The following TMEM232 variants were observed in gnomAD, a reference collection of about 807,000 sequenced individuals.
The protein encoded by TMEM232 is transmembrane protein 232.
TMEM232 carries 80 observed loss-of-function variants against 78.8 expected under a neutral mutation model. The observed-to-expected ratio is 1.01, with a 90% CI of 0.85 to 1.22. TMEM232 has a LOEUF of 1.22. Ranked by LOEUF, TMEM232 falls within the 50% of genes most tolerant of loss-of-function variation. The pLI is 0.00. For missense variants in TMEM232, 881 were observed against 742.2 expected, an observed-to-expected ratio of 1.19 and a Z score of -2.17; for synonymous variants, 297 against 254.3, an observed-to-expected ratio of 1.17 and a Z score of -1.60.
At chr5:110,405,513 TTAAG>T (rs1755756087) in intron 2 of TMEM232, among the ~76,000 whole-genome samples, 1 of 151,692 alleles carries the variant, frequency 6.6e-6, no homozygotes, top group Non-Finnish European at 1.5e-5. Flanking sequence ...GAAAAATATA[TTAAG>T]TAATTTATAG....
chr5:110,553,427 G>T (rs765309215), intron 11 of TMEM232, among the ~76,000 whole-genome samples: 1 of 151,950 alleles, frequency 6.6e-6, no homozygotes, highest in Non-Finnish European at 1.5e-5. Context: ...AATTCTTGTT[G>T]TAGATATCTT....
chr5:110,570,449 G>A (rs1041564390), intron 10 of TMEM232, among the ~76,000 whole-genome samples: 2 of 151,886 alleles, frequency 1.3e-5, no homozygotes, highest in Non-Finnish European at 2.9e-5. Flanking sequence ...TAATTTGTAA[G>A]AGAAATTAGA....
intron 12 of TMEM232, among the ~76,000 whole-genome samples, chr5:110,429,194 T>C (rs1757561401): frequency 6.6e-6 from 1 of 151,810 alleles, no homozygotes; most frequent in Non-Finnish European, 1.5e-5. Context: ...AAAATATGTT[T>C]CTTTCGAGTA....
chr5:110,442,007 A>T (rs895148897), intron 12 of TMEM232, among the ~76,000 whole-genome samples: 7 of 152,230 alleles, frequency 4.6e-5, no homozygotes, highest in Admixed American at 4.6e-4. Context: ...TTGGAGCTCC[A>T]TGTATGTGGC....
At chr5:110,652,689 A>T (rs1441222306) in intron 2 of TMEM232, among the ~76,000 whole-genome samples, 2 of 152,186 alleles carry the variant, frequency 1.3e-5, no homozygotes, top group Non-Finnish European at 2.9e-5. Flanking sequence ...GCCCATCACA[A>T]TAGACATTAT....
Position 110,483,898 on chromosome 5 carries a change from T to C in TMEM232, c.1703+44690A>G, listed in dbSNP as rs1347809484. Among the ~76,000 whole-genome samples the C allele has an allele frequency of 1.3e-5, 2 of 152,266 alleles. 1 individual carries two copies. Among genetic ancestry groups the C allele is most frequent in the South Asian group, 4.1e-4 (2 of 4,828 alleles). On this transcript the variant is annotated intron_variant, in intron 12 of 13. Transcript: ENST00000455884. Reference sequence around the variant, plus strand: ...AGCACTATTCACAATAGCAAAGGCATGGAATTAACCTAAATGTTCATTAAC... The same window carrying C: ...AGCACTATTCACAATAGCAAAGGCACGGAATTAACCTAAATGTTCATTAAC...
intron 1 of TMEM232, among the ~76,000 whole-genome samples, chr5:110,674,236 C>T (rs1053845348): frequency 6.6e-6 from 1 of 151,770 alleles, no homozygotes; most frequent in Non-Finnish European, 1.5e-5. Flanking sequence ...CTTTCTTGGT[C>T]AAGAAAAAAC....
intron 12 of TMEM232, 54 bp downstream of exon 12, chr5:110,528,534 T>C: frequency 1.4e-6 from 2 of 1,402,596 alleles, no homozygotes; most frequent in Non-Finnish European, 1.9e-6. Context: ...ATAATTTCTG[T>C]GATTTTGAAT....
At position 110,389,384 on chromosome 5, in the gene TMEM232, A is replaced by G. The variant is rs1470586779; in HGVS notation, n.615+1032T>C. ...CTAGGAGGCTGAGATATGAACAGAT[A>G]GATTGGGGTTGCATACTTTTCCTAA... On this transcript the variant is annotated intron_variant and non_coding_transcript_variant, in intron 4 of 8. Coordinates refer to the TMEM232 transcript ENST00000507188. Among the ~76,000 whole-genome samples the G allele has an allele frequency of 2.6e-5, 4 of 152,324 alleles. No homozygotes were observed. The East Asian group carries it at 7.7e-4, about 29-fold the overall frequency.
intron 8 of TMEM232, 125 bp downstream of exon 8, chr5:110,618,304 C>T: frequency 8.2e-7 from 1 of 1,219,038 alleles, no homozygotes; most frequent in Non-Finnish European, 1.1e-6. Flanking sequence ...GCCTTTGGAA[C>T]TGAGATTATA....
intron 12 of TMEM232, among the ~76,000 whole-genome samples, chr5:110,449,391 G>T (rs919165129): frequency 6.6e-6 from 1 of 151,990 alleles, no homozygotes; most frequent in Non-Finnish European, 1.5e-5. Context: ...ATGAATGAAA[G>T]AAAACCATCT....
chr5:110,495,534 C>T (rs1310087219), intron 12 of TMEM232, among the ~76,000 whole-genome samples: 6 of 151,858 alleles, frequency 4.0e-5, no homozygotes, highest in Non-Finnish European at 1.5e-5. Context: ...ATATTTACCC[C>T]AAATGTCCTA....
intron 1 of TMEM232, among the ~76,000 whole-genome samples, chr5:110,680,719 A>C (rs975008695): frequency 1.3e-4 from 20 of 152,230 alleles, no homozygotes; most frequent in Admixed American, 1.1e-3. Flanking sequence ...AAAAAAATAG[A>C]AAATAATTAG....
rs371764831 is a variant in TMEM232 at position 110,707,278 on chromosome 5, G to A, written c.-13+19349C>T. Among the ~76,000 whole-genome samples, 16 of 152,200 alleles carry A rather than the reference G, an allele frequency of 1.1e-4. 1 individual carries two copies. The highest frequency in any genetic ancestry group is 5.8e-4 in the East Asian group (3 of 5,174). On this transcript the variant is annotated intron_variant, in intron 1 of 13. Coordinates refer to ENST00000455884, the MANE Select transcript of TMEM232 (RefSeq NM_001039763.4). ...GTCAGAGAGACAGTCATGAATCACC[G>A]AAACCACACCTACCCCATTCCCCAG...
rs560150147 is a variant in TMEM232 at position 110,605,307 on chromosome 5, T to C, written c.1078A>G (p.Ile360Val). The change falls in exon 10 of 14, where the codon ATA becomes GTA. Residue 360 changes from isoleucine to valine, a missense_variant. By Grantham distance (29) the Ile-to-Val change is conservative. Coordinates refer to ENST00000455884, the MANE Select transcript of TMEM232 (RefSeq NM_001039763.4). ...ATTTCTGCAAGAATTACTGTATATA[T>C]GTAGACTACATTCCAGGCCCAGGAA... ...DFSWAWNVVYIYTVILAEICL... is the reference protein window; with the variant it reads ...DFSWAWNVVYVYTVILAEICL... 1.3e-6 allele frequency: 2 copies of C among 1,550,778 alleles called. No individual in the cohort carries two copies. Among genetic ancestry groups the C allele is most frequent in the South Asian group, 2.4e-5 (2 of 83,736 alleles).
intron 2 of TMEM232, among the ~76,000 whole-genome samples, chr5:110,401,538 C>G (rs573796780): frequency 6.6e-6 from 1 of 152,052 alleles, no homozygotes; most frequent in Non-Finnish European, 1.5e-5. Flanking sequence ...ATTAGGCCAC[C>G]CCTGGGAATT....
At chr5:110,693,053 C>T (rs1015380122) in intron 1 of TMEM232, among the ~76,000 whole-genome samples, 2 of 152,172 alleles carry the variant, frequency 1.3e-5, no homozygotes, top group African/African-American at 4.8e-5. Flanking sequence ...GAAGCACCCC[C>T]CAGTAGGGGC....
At chr5:110,504,635 G>A (rs936177914) in intron 12 of TMEM232, among the ~76,000 whole-genome samples, 4 of 152,106 alleles carry the variant, frequency 2.6e-5, no homozygotes, top group African/African-American at 7.2e-5. Flanking sequence ...GTTTCAATTC[G>A]AGTCTGAAGA....
chr5:110,535,322 T>G (rs1772179951), intron 11 of TMEM232, among the ~76,000 whole-genome samples: 1 of 152,096 alleles, frequency 6.6e-6, no homozygotes, highest in South Asian at 2.1e-4. Flanking sequence ...ACTGAGCACC[T>G]TGTGACCCTC....
Sources: gnomAD v4.1 joint callset for allele counts (sites outside exome capture counted in the v4.1 genomes callset) on GRCh38, gnomAD v4.1.1 for gene constraint, MANE v1.5 for transcripts, NCBI Gene and HGNC (gene_info 2026-07-23, HGNC 2026-07-21) for gene names.